Variants in MACF1 observed in about 807,000 individuals in gnomAD.
The protein encoded by MACF1 is microtubule-actin cross-linking factor 1.
In MACF1, 193 loss-of-function variants were observed where a neutral mutation model predicts 854.8. The observed-to-expected ratio is 0.23, with a 90% confidence interval of 0.20 to 0.25. The LOEUF (loss-of-function observed/expected upper bound fraction) is 0.25, where lower values mean the gene tolerates loss of function less well. MACF1 is among the 10% of genes least tolerant of loss of function. The pLI, the probability that MACF1 is intolerant of heterozygous loss-of-function variation, is 1.00. For synonymous variants in MACF1, 3,185 were observed against 3,226.7 expected (o/e 0.99, Z 0.44); for missense variants, 7,722 against 8,929.1 (o/e 0.86, Z 5.45).
At chr1:39,123,428 G>A (rs1052897346) in intron 2 of MACF1, among the ~76,000 whole-genome samples, 24 of 151,644 alleles carry the variant, frequency 1.6e-4, no homozygotes, top group Non-Finnish European at 2.5e-4. Context: ...GACTGGTCTC[G>A]AACTGCTGAC....
rs1353953074 is a variant in MACF1 at position 39,285,148 on chromosome 1, G to T, written c.1197G>T (p.Glu399Asp). The change falls in exon 12 of 101, where the codon GAG becomes GAT. Residue 399 changes from glutamate (E) to aspartate (D), a missense_variant. This residue lies in a region of MACF1 where 1,137 missense variants were observed against 1,263.0 expected (regional missense o/e 0.90). Transcript: ENST00000564288. ...ATCACCCTAATGATGTGGAAGAAGA[G>T]TGGGGAAAGCTCATCATAGAGATGC... ...QGYHPNDVEEEWGKLIIEMLE... is the reference protein window; with the variant it reads ...QGYHPNDVEEDWGKLIIEMLE... 2 of 1,614,098 alleles carry T rather than the reference G, an allele frequency of 1.2e-6. No homozygotes were observed. The highest frequency in any genetic ancestry group is 8.5e-7 in the Non-Finnish European group (1 of 1,180,044).
chr1:39,103,324 G>T (rs142359164), intron 2 of MACF1: 26 of 303,252 alleles, frequency 8.6e-5, no homozygotes, highest in African/African-American at 5.4e-4. Context: ...TGGGAATGGA[G>T]GGACTTTTCT....
chr1:39,382,666 A>T (rs1650337892), intron 56 of MACF1, among the ~76,000 whole-genome samples: 1 of 149,552 alleles, frequency 6.7e-6, no homozygotes, highest in Non-Finnish European at 1.5e-5. Flanking sequence ...CGGACAGTAG[A>T]GCGTGACTCC....
chr1:39,139,946 C>CT (rs11364327), intron 2 of MACF1, among the ~76,000 whole-genome samples: 2 of 146,654 alleles, frequency 1.4e-5, no homozygotes, highest in African/African-American at 2.5e-5. Context: ...AGAACTAAAT[C>CT]TTTTTTTTTT....
At chr1:39,126,649 T>C (rs1642867351) in intron 2 of MACF1, among the ~76,000 whole-genome samples, 3 of 151,772 alleles carry the variant, frequency 2.0e-5, no homozygotes, top group Admixed American at 6.6e-5. Flanking sequence ...TAGCTGGGCG[T>C]GGTGGTGGGT....
intron 80 of MACF1, among the ~76,000 whole-genome samples, chr1:39,446,050 G>C (rs1048688625): frequency 1.4e-4 from 22 of 152,236 alleles, no homozygotes; most frequent in African/African-American, 5.1e-4. Flanking sequence ...ACAGATTCCA[G>C]CTCATAACCA....
chr1:39,316,587 G>C, intron 28 of MACF1, 58 bp downstream of exon 28: 1 of 1,528,830 alleles, frequency 6.5e-7, no homozygotes, highest in Non-Finnish European at 8.8e-7. Flanking sequence ...CTTTGGGTTA[G>C]CAGAGAAATG....
At chr1:39,195,660 G>A (rs1440211443) in intron 2 of MACF1, among the ~76,000 whole-genome samples, 1 of 152,166 alleles carries the variant, frequency 6.6e-6, no homozygotes, top group Non-Finnish European at 1.5e-5. Flanking sequence ...ATAGAAATAG[G>A]AGTTTAATAT....
chr1:39,445,015 T>C (rs555825604), intron 80 of MACF1, among the ~76,000 whole-genome samples, 180 bp downstream of exon 80: 8 of 152,264 alleles, frequency 5.3e-5, no homozygotes, highest in Non-Finnish European at 1.0e-4. Context: ...TTTGCTTTTA[T>C]AATTATTCAT....
At chr1:39,362,799 G>T (rs573916404) in intron 49 of MACF1, among the ~76,000 whole-genome samples, 1 of 151,890 alleles carries the variant, frequency 6.6e-6, no homozygotes, top group Non-Finnish European at 1.5e-5. Context: ...CTACTTTTAG[G>T]TTCTTTTTAA....
intron 6 of MACF1, 52 bp downstream of exon 6, chr1:39,258,080 G>T: frequency 6.9e-7 from 1 of 1,455,492 alleles, no homozygotes; most frequent in South Asian, 1.1e-5. Flanking sequence ...ACATGGCCTA[G>T]AAAGTTGCAC....
intron 6 of MACF1, among the ~76,000 whole-genome samples, chr1:39,278,847 G>A (rs532771238): frequency 3.2e-4 from 49 of 152,020 alleles, no homozygotes; most frequent in Non-Finnish European, 5.6e-4. Flanking sequence ...CCCCACTACC[G>A]CCCCTCCCCC....
intron 58 of MACF1, among the ~76,000 whole-genome samples, chr1:39,398,751 C>T (rs1642366590): frequency 6.6e-6 from 1 of 152,184 alleles, no homozygotes; most frequent in Non-Finnish European, 1.5e-5. Flanking sequence ...GGGAACTAAT[C>T]TGAGTCAGCG....
intron 2 of MACF1, among the ~76,000 whole-genome samples, chr1:39,243,414 T>G (rs890809890): frequency 8.5e-5 from 13 of 152,180 alleles, no homozygotes; most frequent in Non-Finnish European, 1.6e-4. Flanking sequence ...AACTTTTTCT[T>G]TTTTTGAGAC....
At chr1:39,193,691 A>G (rs1330599441) in intron 2 of MACF1, among the ~76,000 whole-genome samples, 1 of 152,192 alleles carries the variant, frequency 6.6e-6, no homozygotes, top group East Asian at 1.9e-4. Flanking sequence ...AAAGAGATTA[A>G]GTAATTGGTT....
intron 29 of MACF1, 91 bp from the exon 30 acceptor site, chr1:39,318,362 C>T: frequency 1.7e-6 from 2 of 1,190,212 alleles, no homozygotes; most frequent in Non-Finnish European, 2.4e-6. Context: ...TCAAGCCCAG[C>T]TGGATACATG....
At chr1:39,390,903 C>T (rs1642006753) in intron 58 of MACF1, among the ~76,000 whole-genome samples, 3 of 151,952 alleles carry the variant, frequency 2.0e-5, no homozygotes, top group African/African-American at 4.8e-5. Flanking sequence ...GTCAGGAGAT[C>T]GAGACCATCC....
chr1:39,292,760 A>T lies in MACF1; in HGVS notation c.1915-6A>T, dbSNP rs1645820059. The T allele has an allele frequency of 6.3e-7, 1 of 1,597,184 alleles. No individual in the cohort carries two copies. Among genetic ancestry groups the T allele is most frequent in the Admixed American group, 1.7e-5 (1 of 58,954 alleles). ...ATGTATTTTTATTTCATTCTTTTTT[A>T]ATCAGGGAAAGATGTCCCAGAATTT... is the stretch of plus-strand genomic sequence containing the variant. On this transcript the variant is annotated splice_polypyrimidine_tract_variant and splice_region_variant and intron_variant, in intron 16 of 100. Coordinates refer to ENST00000564288, the MANE Select transcript of MACF1 (RefSeq NM_001394062.1).
At chr1:39,241,646 C>A in intron 2 of MACF1, among the ~76,000 whole-genome samples, 1 of 117,702 alleles carries the variant, frequency 8.5e-6, no homozygotes, top group East Asian at 2.4e-4. Context: ...GGTGACAGAG[C>A]GAGACTCCAT....
Sources: gnomAD v4.1 joint callset for allele counts (sites outside exome capture counted in the v4.1 genomes callset) on GRCh38, gnomAD v4.1.1 for gene constraint, gnomAD v4.1.1 regional missense constraint, MANE v1.5 for transcripts, NCBI Gene and HGNC (gene_info 2026-07-23, HGNC 2026-07-21) for gene names.